The following ALPL variants were observed in gnomAD, a reference collection of about 807,000 sequenced individuals.
ALPL encodes alkaline phosphatase, biomineralization associated.
Under a neutral mutation model 51.3 loss-of-function variants are expected in ALPL, and 42 were observed. That is an observed-to-expected ratio of 0.82 (90% CI 0.64 to 1.06). ALPL has a LOEUF of 1.06. ALPL is among the 50% of genes least tolerant of loss of function. The pLI, the probability that ALPL is intolerant of heterozygous loss-of-function variation, is 0.00. For synonymous variants in ALPL, 279 were observed against 296.4 expected, an observed-to-expected ratio of 0.94 and a Z score of 0.60; for missense variants, 589 against 709.4, an observed-to-expected ratio of 0.83 and a Z score of 1.93.
chr1:21,539,686 A>C (rs1570222585), intron 1 of ALPL, among the ~76,000 whole-genome samples: 4 of 133,432 alleles, frequency 3.0e-5, no homozygotes, highest in Admixed American at 1.7e-4. Flanking sequence ...ATGGAGTCTC[A>C]CTCTGTCACC....
intron 1 of ALPL, among the ~76,000 whole-genome samples, chr1:21,538,996 A>T (rs1290280665): frequency 1.3e-5 from 2 of 152,342 alleles, no homozygotes; most frequent in South Asian, 2.1e-4. Flanking sequence ...AACATTTGGG[A>T]ACAGAGTGTA....
chr1:21,515,954 G>A (rs1643791577), intron 1 of ALPL, among the ~76,000 whole-genome samples: 1 of 152,110 alleles, frequency 6.6e-6, no homozygotes, highest in Non-Finnish European at 1.5e-5. Flanking sequence ...GCTCACTACA[G>A]TGCAGCCTTG....
intron 1 of ALPL, among the ~76,000 whole-genome samples, chr1:21,510,662 G>A (rs773592149): frequency 3.9e-5 from 6 of 152,344 alleles, no homozygotes; most frequent in Non-Finnish European, 8.8e-5. Flanking sequence ...CAGCCCTAGC[G>A]TCCTGCTCCC....
chr1:21,513,963 C>T (rs141509601), intron 1 of ALPL, among the ~76,000 whole-genome samples: 5 of 152,296 alleles, frequency 3.3e-5, no homozygotes, highest in South Asian at 2.1e-4. Context: ...TCTGAGCTTG[C>T]GGTTTCTGGG....
intron 1 of ALPL, among the ~76,000 whole-genome samples, chr1:21,527,499 T>C (rs1643963759): frequency 6.6e-6 from 1 of 152,138 alleles, no homozygotes; most frequent in Non-Finnish European, 1.5e-5. Context: ...AGGGGCTGTC[T>C]TTTTGTACAA....
intron 10 of ALPL, 30 bp downstream of exon 10, chr1:21,575,954 C>T (rs1447438077): frequency 5.6e-6 from 9 of 1,613,000 alleles, no homozygotes; most frequent in Non-Finnish European, 7.6e-6. Flanking sequence ...GGTGGACACT[C>T]CTGGGGTCTC....
chr1:21,563,342 T>G (rs1644514479), intron 5 of ALPL, 58 bp downstream of exon 5: 3 of 1,546,664 alleles, frequency 1.9e-6, no homozygotes, highest in Non-Finnish European at 2.6e-6. Flanking sequence ...CAGGCCTCAG[T>G]CTTTCTGACT....
chr1:21,552,065 G>A (rs1435511147), intron 1 of ALPL, among the ~76,000 whole-genome samples: 1 of 118,308 alleles, frequency 8.5e-6, no homozygotes, highest in Non-Finnish European at 1.8e-5. Context: ...CCTTCTTCTG[G>A]TGGTAGTGGT....
At position 21,564,111 on chromosome 1, in the gene ALPL, G is replaced by A. The variant is rs963709967; in HGVS notation, c.543G>A (p.Ser181=). ...HATPSAAYAH[S]ADRDWYSDNE... is the part of the protein sequence containing the mutation. ...CCCCCAGCGCCGCCTACGCCCACTC[G>A]GCTGACCGGGACTGGTACTCAGACA... The change falls in exon 6 of 12, where the codon TCG becomes TCA. Residue 181 remains serine (S), a synonymous_variant. Transcript: ENST00000374840. This position sits in a 1 kb window ranked among gnomAD's most constrained non-coding sequence, Gnocchi z 5.8. The A allele has an allele frequency of 4.3e-6, 7 of 1,613,938 alleles. No individual in the cohort carries two copies. Among genetic ancestry groups the A allele is most frequent in the East Asian group, 2.2e-5 (1 of 44,888 alleles).
intron 1 of ALPL, among the ~76,000 whole-genome samples, chr1:21,515,901 A>G (rs943456933): frequency 2.0e-5 from 3 of 150,478 alleles, no homozygotes; most frequent in African/African-American, 7.3e-5. Flanking sequence ...GACAGGGTCT[A>G]GTGGCTCTGT....
chr1:21,551,965 T>TC (rs1408755454), intron 1 of ALPL, among the ~76,000 whole-genome samples: 1 of 150,232 alleles, frequency 6.7e-6, no homozygotes, highest in African/African-American at 2.4e-5. Context: ...GACTTCGTGA[T>TC]CCGCCCGCCT....
chr1:21,577,310 G>A lies in ALPL; in HGVS notation c.1310-73G>A, dbSNP rs1400451923. On this transcript the variant is annotated intron_variant, in intron 11 of 11. Transcript: ENST00000374840. ...GGGAGCATTCAAGCCAGCCTGGAAG[G>A]GAGATGGAAAAGCTGCGTGCGCAGC... 3 of 1,607,296 alleles carry A rather than the reference G, an allele frequency of 1.9e-6. No homozygotes were observed. In the Admixed American group the frequency reaches 5.0e-5, roughly 27 times the overall value.
At chr1:21,539,469 G>A (rs970210982) in intron 1 of ALPL, among the ~76,000 whole-genome samples, 12 of 152,004 alleles carry the variant, frequency 7.9e-5, no homozygotes, top group Admixed American at 1.3e-4. Flanking sequence ...ATCAGTTGCC[G>A]CAAATCACTA....
At chr1:21,554,874 TC>T (rs1252985202) in intron 2 of ALPL, among the ~76,000 whole-genome samples, 88 of 106,488 alleles carry the variant, frequency 8.3e-4, no homozygotes, top group Non-Finnish European at 1.2e-3. Context: ...TCTTTCTTTC[TC>T]TCTTTCTTTC....
At chr1:21,554,709 C>T (rs1189857283) in intron 2 of ALPL, among the ~76,000 whole-genome samples, 3 of 151,450 alleles carry the variant, frequency 2.0e-5, no homozygotes, top group Non-Finnish European at 2.9e-5. Context: ...CCAGGATGGT[C>T]TCGATCTCCT....
chr1:21,570,059 C>T (rs1339073944), intron 7 of ALPL, among the ~76,000 whole-genome samples: 1 of 152,202 alleles, frequency 6.6e-6, no homozygotes, highest in Non-Finnish European at 1.5e-5. Flanking sequence ...AGGAAGCCCT[C>T]CCTGGTCCTG....
chr1:21,522,531 C>T (rs567766267), intron 1 of ALPL, among the ~76,000 whole-genome samples: 5 of 152,304 alleles, frequency 3.3e-5, no homozygotes, highest in African/African-American at 1.2e-4. Context: ...TCTCCCAGGA[C>T]ATGTGTGTTC....
At chr1:21,563,081 A>G (rs1228828083) in intron 4 of ALPL, 29 bp from the exon 5 acceptor site, 8 of 1,613,016 alleles carry the variant, frequency 5.0e-6, no homozygotes, top group South Asian at 1.1e-5. Context: ...AGGCCTGGCC[A>G]TCTCCTGACC....
At chr1:21,557,532 G>GA (rs1377989626) in intron 2 of ALPL, among the ~76,000 whole-genome samples, 3 of 152,222 alleles carry the variant, frequency 2.0e-5, no homozygotes, top group Non-Finnish European at 4.4e-5. Context: ...ACTAATGGAT[G>GA]AAAAGGGAAA....
Sources: gnomAD v4.1 joint callset for allele counts (sites outside exome capture counted in the v4.1 genomes callset) on GRCh38, gnomAD v4.1.1 for gene constraint, Gnocchi (gnomAD v3.1) non-coding constraint, MANE v1.5 for transcripts, NCBI Gene and HGNC (gene_info 2026-07-23, HGNC 2026-07-21) for gene names.